The following DLG2 variants were observed in gnomAD, a reference collection of about 807,000 sequenced individuals.
DLG2 encodes the protein disks large homolog 2.
In DLG2, 45 loss-of-function variants were observed where a neutral mutation model predicts 132.5. The ratio of observed to expected loss-of-function variants is 0.34; its 90% CI spans 0.27 to 0.44. DLG2 has a LOEUF of 0.44. Ranked by LOEUF, DLG2 falls within the 20% of genes least tolerant of loss-of-function variation. The probability of loss-of-function intolerance (pLI) is 1.00; values close to 1 mark genes in which losing one functional copy is unlikely to be tolerated. For missense variants in DLG2, 1,045 were observed against 1,196.9 expected (o/e 0.87, Z 1.87); for synonymous variants, 424 against 419.6 (o/e 1.01, Z -0.13).
chr11:84,929,879 A>G (rs559241118), intron 6 of DLG2, among the ~76,000 whole-genome samples: 1 of 152,246 alleles, frequency 6.6e-6, no homozygotes, highest in South Asian at 2.1e-4. Flanking sequence ...ATGTAGATTT[A>G]GGAATACATA....
At chr11:84,260,266 C>A (rs1216581918) in intron 7 of DLG2, among the ~76,000 whole-genome samples, 3 of 152,064 alleles carry the variant, frequency 2.0e-5, no homozygotes, top group East Asian at 1.9e-4. Context: ...AGTCAATGTG[C>A]CCCATGCCAA....
intron 6 of DLG2, among the ~76,000 whole-genome samples, chr11:84,907,793 G>T (rs897458736): frequency 1.3e-5 from 2 of 152,150 alleles, no homozygotes; most frequent in African/African-American, 4.8e-5. Context: ...ATATTGAGAA[G>T]AGTGGTCATG....
intron 6 of DLG2, among the ~76,000 whole-genome samples, chr11:84,722,431 T>G (rs574486191): frequency 2.0e-5 from 3 of 152,180 alleles, no homozygotes; most frequent in Non-Finnish European, 4.4e-5. Context: ...CATACCAACT[T>G]GTAAACCTTT....
chr11:84,720,466 C>T (rs1244539667), intron 6 of DLG2: 11 of 985,164 alleles, frequency 1.1e-5, no homozygotes, highest in Middle Eastern at 1.0e-3. Context: ...GCACATGGAG[C>T]GACAGCCTAG....
chr11:85,435,144 T>G (rs908791940), intron 3 of DLG2, among the ~76,000 whole-genome samples: 2 of 152,118 alleles, frequency 1.3e-5, no homozygotes, highest in African/African-American at 4.8e-5. Context: ...TTCAGTAAAC[T>G]AGGTATTAAC....
At chr11:84,942,402 C>T (rs1360510993) in intron 6 of DLG2, among the ~76,000 whole-genome samples, 1 of 151,994 alleles carries the variant, frequency 6.6e-6, no homozygotes, top group Non-Finnish European at 1.5e-5. Flanking sequence ...TCAGTGTGTT[C>T]CACAGATATT....
chr11:85,565,853 C>T (rs1271591606), intron 3 of DLG2, among the ~76,000 whole-genome samples: 4 of 152,054 alleles, frequency 2.6e-5, no homozygotes, highest in African/African-American at 9.7e-5. Context: ...ATTTTCAATT[C>T]TCTTGGGTAT....
chr11:85,270,945 G>A (rs1233580292), intron 4 of DLG2, among the ~76,000 whole-genome samples: 1 of 152,202 alleles, frequency 6.6e-6, no homozygotes, highest in Admixed American at 6.5e-5. Context: ...CAATCCGATA[G>A]AAAGCAAAAC....
At chr11:84,684,329 C>T (rs563258439) in intron 6 of DLG2, among the ~76,000 whole-genome samples, 1 of 152,274 alleles carries the variant, frequency 6.6e-6, no homozygotes, top group East Asian at 1.9e-4. Flanking sequence ...GCTCCCCTTG[C>T]ACCATCATCT....
chr11:85,608,531 G>A (rs1401523443), intron 2 of DLG2, among the ~76,000 whole-genome samples: 2 of 152,062 alleles, frequency 1.3e-5, no homozygotes, highest in African/African-American at 2.4e-5. Flanking sequence ...CATCCCACAG[G>A]AGGATCTTTC....
intron 3 of DLG2, among the ~76,000 whole-genome samples, chr11:85,302,745 T>C (rs1364266232): frequency 6.6e-6 from 1 of 151,430 alleles, no homozygotes; most frequent in Non-Finnish European, 1.5e-5. Context: ...AGAGATGAGA[T>C]TTGGGAGAAT....
At chr11:83,714,306 G>C (rs1358620661) in intron 18 of DLG2, among the ~76,000 whole-genome samples, 1 of 151,948 alleles carries the variant, frequency 6.6e-6, no homozygotes, top group Non-Finnish European at 1.5e-5. Flanking sequence ...AAAAGATAAA[G>C]AAAAAGAGGA....
At chr11:85,166,915 T>A (rs1595006973) in intron 4 of DLG2, among the ~76,000 whole-genome samples, 1 of 152,292 alleles carries the variant, frequency 6.6e-6, no homozygotes, top group South Asian at 2.1e-4. Flanking sequence ...AAGTTTCCTA[T>A]ATAAAAGAAT....
Position 84,117,913 on chromosome 11 carries a change from C to T in DLG2, c.625-18866G>A, listed in dbSNP as rs543589325. On this transcript the variant is annotated intron_variant, in intron 9 of 27. Coordinates refer to ENST00000376104, the MANE Select transcript of DLG2 (RefSeq NM_001142699.3). ...TCTTGTTGCCCAGGCTGGAGTGCAA[C>T]GGTGCGATCTCGGCTCACTGTGGCC... 1.1e-4 allele frequency among the ~76,000 whole-genome samples: 17 copies of T among 152,006 alleles called. No individual in the cohort carries two copies. In the South Asian group the frequency reaches 1.2e-3, roughly 11 times the overall value.
intron 7 of DLG2, among the ~76,000 whole-genome samples, chr11:84,527,917 C>G (rs2099326592): frequency 6.6e-6 from 1 of 151,650 alleles, no homozygotes; most frequent in Non-Finnish European, 1.5e-5. Flanking sequence ...CTCTCTCTCT[C>G]TCTCTCTCTC....
intron 15 of DLG2, among the ~76,000 whole-genome samples, chr11:83,889,471 G>C (rs200344321): frequency 0.089 from 13,580 of 152,158 alleles, 934 homozygotes; most frequent in African/African-American, 0.19. Context: ...GTGCTGGAGA[G>C]GATGTGGAGA....
intron 3 of DLG2, among the ~76,000 whole-genome samples, chr11:85,469,057 A>G (rs953055466): frequency 5.3e-5 from 8 of 152,208 alleles, no homozygotes; most frequent in East Asian, 3.9e-4. Context: ...TTTTACCTCA[A>G]TAAATGGAAC....
chr11:85,488,783 A>T (rs1403409236), intron 3 of DLG2, among the ~76,000 whole-genome samples: 1 of 152,194 alleles, frequency 6.6e-6, no homozygotes. Flanking sequence ...AAGGAGAAAT[A>T]AAGTCTTTCC....
intron 7 of DLG2, among the ~76,000 whole-genome samples, chr11:84,533,810 T>C (rs2099348505): frequency 6.6e-6 from 1 of 151,158 alleles, no homozygotes; most frequent in Admixed American, 6.6e-5. Context: ...TCAATTCTGT[T>C]ATTTCAGCCA....
Sources: allele counts gnomAD v4.1 joint callset (sites outside exome capture counted in the v4.1 genomes callset), GRCh38; gene constraint gnomAD v4.1.1; transcripts MANE v1.5; gene names NCBI Gene and HGNC (gene_info 2026-07-23, HGNC 2026-07-21).